ANK3: variants seen among roughly 807,000 people sequenced by gnomAD.
ANK3 encodes ankyrin 3.
In ANK3, 57 loss-of-function variants were observed where a neutral mutation model predicts 370.9. That is an observed-to-expected ratio of 0.15 (90% CI 0.12 to 0.19). The LOEUF (loss-of-function observed/expected upper bound fraction) is 0.19. Ranked by LOEUF, ANK3 falls within the 10% of genes least tolerant of loss-of-function variation. ANK3 has a pLI of 1.00. For missense variants in ANK3, 4,439 were observed against 5,302.1 expected (o/e 0.84, Z 5.06); for synonymous variants, 1,929 against 1,946.3 (o/e 0.99, Z 0.23).
intron 40 of ANK3, chr10:60,059,769 T>C: frequency 6.2e-7 from 1 of 1,614,204 alleles, no homozygotes; most frequent in Non-Finnish European, 8.5e-7. Context: ...AGGCACTGAG[T>C]CTTCCAGTTT....
chr10:60,500,872 T>G (rs1472134993), intron 2 of ANK3, among the ~76,000 whole-genome samples: 1 of 152,150 alleles, frequency 6.6e-6, no homozygotes, highest in Non-Finnish European at 1.5e-5. Context: ...ATACATAATA[T>G]CATATTTCTC....
In ANK3 at chr10:60,473,773, G is replaced by C. The variant is rs528000400; in HGVS notation, c.96+141413C>G. ...GGAGGGTGAATGGTAATATGACTTG[G>C]CAAATTACCCTTCTATGAAAACAAT... On this transcript the variant is annotated intron_variant, in intron 2 of 43. Coordinates refer to the ANK3 transcript ENST00000373827. 1.2e-4 allele frequency among the ~76,000 whole-genome samples: 18 copies of C among 152,092 alleles called. No individual in the cohort carries two copies. The East Asian group carries it at 2.3e-3, about 20-fold the overall frequency.
At chr10:60,457,825 C>T (rs2133051824) in intron 2 of ANK3, among the ~76,000 whole-genome samples, 1 of 152,166 alleles carries the variant, frequency 6.6e-6, no homozygotes, top group African/African-American at 2.4e-5. Flanking sequence ...GTGGTATATC[C>T]TGCCAGAAAC....
chr10:60,508,876 T>A (rs886762299), intron 2 of ANK3, among the ~76,000 whole-genome samples: 2 of 152,168 alleles, frequency 1.3e-5, no homozygotes, highest in Non-Finnish European at 2.9e-5. Flanking sequence ...GGTGAGTTCA[T>A]AAACAATTGA....
At chr10:60,052,715 T>C (rs1213945958) in intron 42 of ANK3, among the ~76,000 whole-genome samples, 3 of 152,148 alleles carry the variant, frequency 2.0e-5, no homozygotes, top group Admixed American at 2.0e-4. Context: ...ATTTTAATGG[T>C]GGAACTATGA....
At chr10:60,577,878 G>A (rs2077702541) in intron 2 of ANK3, among the ~76,000 whole-genome samples, 1 of 152,172 alleles carries the variant, frequency 6.6e-6, no homozygotes, top group African/African-American at 2.4e-5. Context: ...TCTTCTTACA[G>A]CAACTGGAAA....
upstream of ANK3, among the ~76,000 whole-genome samples, chr10:60,391,647 G>T (rs185784697): frequency 7.9e-4 from 121 of 152,252 alleles, 1 homozygote; most frequent in Non-Finnish European, 1.4e-3. Context: ...CTTTATAGAC[G>T]CTAATGATAC....
At chr10:60,563,380 G>C (rs2077384650) in intron 2 of ANK3, among the ~76,000 whole-genome samples, 1 of 152,124 alleles carries the variant, frequency 6.6e-6, no homozygotes, top group African/African-American at 2.4e-5. Flanking sequence ...CCCAGTCCCA[G>C]CTCAGAACTC....
intron 1 of ANK3, among the ~76,000 whole-genome samples, chr10:60,385,458 C>T (rs561643967): frequency 3.8e-4 from 58 of 152,158 alleles, no homozygotes; most frequent in African/African-American, 1.3e-3. Flanking sequence ...TTCCCTGCCT[C>T]TTCTGGGTGT....
intron 1 of ANK3, among the ~76,000 whole-genome samples, chr10:60,386,928 G>C (rs574093667): frequency 3.5e-4 from 54 of 152,186 alleles, no homozygotes; most frequent in Non-Finnish European, 6.3e-4. Flanking sequence ...GGGAGGCCTA[G>C]GCGGGTGGAT....
intron 21 of ANK3, among the ~76,000 whole-genome samples, chr10:60,169,005 T>C (rs183861842): frequency 6.6e-6 from 1 of 152,364 alleles, no homozygotes; most frequent in Non-Finnish European, 1.5e-5. Context: ...GCAATGAACA[T>C]ACACATGCAT....
intron 2 of ANK3, among the ~76,000 whole-genome samples, chr10:60,492,819 G>A (rs1036032731): frequency 6.6e-6 from 1 of 151,416 alleles, no homozygotes; most frequent in African/African-American, 2.4e-5. Flanking sequence ...GCTCACACCT[G>A]TAATCCCAGC....
intron 35 of ANK3, 43 bp downstream of exon 35, chr10:60,082,107 T>C: frequency 1.3e-6 from 2 of 1,519,662 alleles, no homozygotes; most frequent in Non-Finnish European, 1.8e-6. Flanking sequence ...ATTCAATTTC[T>C]ATTCTACTTC....
At chr10:60,274,876 T>C (rs2098062751) in intron 4 of ANK3, among the ~76,000 whole-genome samples, 1 of 152,190 alleles carries the variant, frequency 6.6e-6, no homozygotes, top group Admixed American at 6.5e-5. Context: ...TACATAACCA[T>C]TTAGTTATGA....
intron 2 of ANK3, among the ~76,000 whole-genome samples, chr10:60,450,857 C>A (rs2064582637): frequency 6.6e-6 from 1 of 152,188 alleles, no homozygotes; most frequent in Non-Finnish European, 1.5e-5. Context: ...CTAATACAGA[C>A]CTATGCAGTA....
intron 1 of ANK3, among the ~76,000 whole-genome samples, chr10:60,689,981 C>T (rs547884420): frequency 3.5e-4 from 53 of 152,152 alleles, no homozygotes; most frequent in African/African-American, 1.3e-3. Flanking sequence ...TACAAACATG[C>T]TTGAGAATAG....
chr10:60,056,775 G>A (rs2079256056), intron 41 of ANK3, among the ~76,000 whole-genome samples: 1 of 152,126 alleles, frequency 6.6e-6, no homozygotes, highest in Non-Finnish European at 1.5e-5. Context: ...TATATTCCCA[G>A]CATTTTGGGA....
chr10:60,675,509 T>A (rs187808174), intron 1 of ANK3, among the ~76,000 whole-genome samples: 6 of 152,378 alleles, frequency 3.9e-5, no homozygotes, highest in Admixed American at 2.0e-4. Flanking sequence ...TCTCTGAGAA[T>A]TCCTGGCTTC....
chr10:60,618,666 C>A (rs1239613069), intron 1 of ANK3, among the ~76,000 whole-genome samples: 2 of 152,078 alleles, frequency 1.3e-5, no homozygotes, highest in Non-Finnish European at 2.9e-5. Context: ...CTCTGTGGCA[C>A]CCCCTGGCCT....
Sources: gnomAD v4.1 joint callset for allele counts (sites outside exome capture counted in the v4.1 genomes callset) on GRCh38, gnomAD v4.1.1 for gene constraint, MANE v1.5 for transcripts, NCBI Gene and HGNC (gene_info 2026-07-23, HGNC 2026-07-21) for gene names.